AACS: variants seen among roughly 807,000 people sequenced by gnomAD.
AACS encodes the protein acetoacetyl-CoA synthetase.
Under a neutral mutation model 83.1 loss-of-function variants are expected in AACS, and 69 were observed. The observed-to-expected ratio is 0.83, with a 90% CI of 0.68 to 1.01. AACS has a LOEUF of 1.01. Among genes scored for constraint, AACS ranks in the 50% least tolerant of loss-of-function variants. AACS has a pLI of 0.00. For missense variants in AACS, 866 were observed against 882.2 expected (o/e 0.98, Z 0.23); for synonymous variants, 333 against 343.4 (o/e 0.97, Z 0.33).
At chr12:125,115,098 A>C (rs1246173116) in intron 9 of AACS, among the ~76,000 whole-genome samples, 1 of 151,978 alleles carries the variant, frequency 6.6e-6, no homozygotes, top group East Asian at 1.9e-4. Context: ...CCATAACTCA[A>C]CTCAAGGTGT....
At chr12:125,095,013 GTGTGTGTGTGTC>G (rs1350830185) in intron 5 of AACS, among the ~76,000 whole-genome samples, 1 of 148,314 alleles carries the variant, frequency 6.7e-6, no homozygotes, top group Non-Finnish European at 1.5e-5. Context: ...GTGTGTGTGT[GTGTGTGTGTGTC>G]TGTGTGTGTA....
At position 125,136,723 on chromosome 12, in the gene AACS, G is replaced by A. The variant is rs372559472; in HGVS notation, c.1740G>A (p.Glu580=). 7 of 1,614,088 alleles carry A rather than the reference G, an allele frequency of 4.3e-6. No homozygotes were observed. Among genetic ancestry groups the A allele is most frequent in the Non-Finnish European group, 5.1e-6 (6 of 1,180,052 alleles). The change falls in exon 17 of 18, where the codon GAG becomes GAA. Residue 580 remains glutamate, a synonymous_variant. Transcript: ENST00000316519. ...LCVPQYNKYR[E]ERVILFLKMA... ...TCCCCCAGTATAACAAGTACAGGGA[G>A]GAGAGGGTGATCCTCTTCCTGAAGA...
intron 12 of AACS, chr12:125,126,051 G>A (rs978844541): frequency 3.3e-5 from 5 of 151,792 alleles, no homozygotes; most frequent in African/African-American, 4.8e-5. Flanking sequence ...TCTACCTTCT[G>A]GGTTCAAGCA....
In AACS at chr12:125,124,941, C is replaced by T. The variant is rs774365753; in HGVS notation, c.1226C>T (p.Ser409Phe). The change falls in exon 12 of 18, where the codon TCC (serine) becomes TTC (phenylalanine). Residue 409 changes from serine to phenylalanine, a missense_variant. Ser to Phe is a radical substitution (Grantham distance 155). Coordinates refer to ENST00000316519, the MANE Select transcript of AACS (RefSeq NM_023928.5). ...CTCCAGATGCTCCACACGATCCTGT[C>T]CACTGGCTCCCCACTGAAAGCCCAG... is the stretch of plus-strand genomic sequence containing the variant. The part of the protein sequence containing the change: ...HSLQMLHTIL[S>F]TGSPLKAQSY... The T allele has an allele frequency of 1.2e-6, 2 of 1,614,106 alleles. No individual in the cohort carries two copies.
At position 125,132,444 on chromosome 12, in the gene AACS, G is replaced by A. The variant is rs368243736; in HGVS notation, c.1550-1559G>A. The stretch of plus-strand genomic sequence containing the variant: ...GGCACCGAAGTGCCAGAATGAGGCA[G>A]GATTCCCAGGTGAGCGGCACAGGCT... On this transcript the variant is annotated intron_variant, in intron 14 of 17. Coordinates refer to ENST00000316519, the MANE Select transcript of AACS (RefSeq NM_023928.5). Among the ~76,000 whole-genome samples the A allele has an allele frequency of 2.4e-3, 369 of 152,306 alleles. 6 individuals carry two copies. Among genetic ancestry groups the A allele is most frequent in the African/African-American group, 8.5e-3 (352 of 41,570 alleles).
chr12:125,076,301 C>T (rs1956018967), intron 2 of AACS, among the ~76,000 whole-genome samples, 190 bp from the exon 3 acceptor site: 1 of 152,204 alleles, frequency 6.6e-6, no homozygotes, highest in Non-Finnish European at 1.5e-5. Context: ...TCCCTACTTT[C>T]AGTTTCTAGC....
intron 5 of AACS, among the ~76,000 whole-genome samples, chr12:125,093,700 C>T (rs976288938): frequency 5.3e-5 from 8 of 152,172 alleles, no homozygotes; most frequent in African/African-American, 1.7e-4. Context: ...CCAGGCCCTG[C>T]GGCTACGTCT....
At chr12:125,132,854 C>T (rs1335382545) in intron 14 of AACS, among the ~76,000 whole-genome samples, 6 of 152,108 alleles carry the variant, frequency 3.9e-5, no homozygotes, top group Admixed American at 2.6e-4. Flanking sequence ...CACATAAATG[C>T]GTGAGTAGAC....
intron 6 of AACS, 71 bp from the exon 7 acceptor site, chr12:125,102,927 TTG>T (rs1956746461): frequency 1.3e-6 from 2 of 1,492,206 alleles, no homozygotes; most frequent in Admixed American, 3.9e-5. Context: ...GTGTTATATT[TTG>T]TGGAAAAAAA....
intron 17 of AACS, 22 bp downstream of exon 17, chr12:125,136,886 G>A: frequency 3.7e-6 from 6 of 1,609,156 alleles, no homozygotes; most frequent in South Asian, 2.2e-5. Flanking sequence ...TCCCGCCAGC[G>A]AGGAGACCGC....
intron 4 of AACS, among the ~76,000 whole-genome samples, chr12:125,087,719 G>T (rs1035909302): frequency 3.3e-5 from 5 of 152,222 alleles, no homozygotes; most frequent in African/African-American, 1.2e-4. Flanking sequence ...GAGGAGCTGG[G>T]CGGCCTTGTC....
intron 5 of AACS, among the ~76,000 whole-genome samples, chr12:125,096,028 G>A (rs1479832492): frequency 5.9e-5 from 9 of 152,292 alleles, no homozygotes; most frequent in African/African-American, 9.6e-5. Flanking sequence ...GCAGTGGCGC[G>A]ATCTCGGCTC....
At chr12:125,091,645 C>T (rs999660230) in intron 5 of AACS, 122 bp downstream of exon 5, 59 of 960,972 alleles carry the variant, frequency 6.1e-5, no homozygotes, top group African/African-American at 4.8e-5. Flanking sequence ...GAGGAGGTGG[C>T]GTTGCAGCTG....
At chr12:125,107,328 TC>T in intron 8 of AACS, 60 bp downstream of exon 8, 1 of 1,588,904 alleles carries the variant, frequency 6.3e-7, no homozygotes. Flanking sequence ...CAACAGGGCC[TC>T]CCAGCTGATG....
rs766078493 is a variant in AACS at position 125,114,565 on chromosome 12, C to T, written c.996+8C>T. ...CTCCTGTGCTACACCACGGTAAGGG[C>T]TTCCCCAGGTGCTGGCCTGTGCTAT... is the stretch of plus-strand genomic sequence containing the variant. On this transcript the variant is annotated splice_region_variant and intron_variant, in intron 9 of 17. Coordinates refer to ENST00000316519, the MANE Select transcript of AACS (RefSeq NM_023928.5). 31 of 1,610,284 alleles carry T rather than the reference C, an allele frequency of 1.9e-5. No individual in the cohort carries two copies. The African/African-American group carries it at 3.6e-4, about 19-fold the overall frequency.
intron 3 of AACS, among the ~76,000 whole-genome samples, chr12:125,076,979 C>T (rs961821867): frequency 6.6e-6 from 1 of 151,990 alleles, no homozygotes; most frequent in African/African-American, 2.4e-5. Context: ...TCATGGATGG[C>T]TCACTGCAGC....
At chr12:125,117,463 C>G (rs1957075166) in intron 9 of AACS, 1 of 152,126 alleles carries the variant, frequency 6.6e-6, no homozygotes, top group Non-Finnish European at 1.5e-5. Flanking sequence ...ACTGTGTTAC[C>G]CAGGCTGGTC....
rs1366334925 is a variant in AACS at position 125,102,772 on chromosome 12, A to C, written c.664A>C (p.Lys222Gln). The change falls in exon 6 of 18, where the codon AAG becomes CAG. Residue 222 changes from lysine (K) to glutamine (Q), a missense_variant. Lys to Gln is a moderately conservative substitution (Grantham distance 53, BLOSUM62 1). Coordinates refer to ENST00000316519, the MANE Select transcript of AACS (RefSeq NM_023928.5). ...TGGCAAAGAGCACAACCACATGGAAAAGCTGCAGCAGGTGGTTAAAGGTGT... is the reference window on the plus strand; with the variant it reads ...TGGCAAAGAGCACAACCACATGGAACAGCTGCAGCAGGTGGTTAAAGGTGT... Reference protein sequence around the residue: ...YNGKEHNHMEKLQQVVKGLPD... With the variant: ...YNGKEHNHMEQLQQVVKGLPD... 6.2e-7 allele frequency: 1 copy of C among 1,613,908 alleles called. No homozygotes were observed.
At chr12:125,116,920 T>C (rs574659558) in intron 9 of AACS, among the ~76,000 whole-genome samples, 1 of 142,194 alleles carries the variant, frequency 7.0e-6, no homozygotes, top group South Asian at 2.4e-4. Context: ...CCGTTTTCCC[T>C]TTGCCTTTTG....
Sources: gnomAD v4.1 joint callset for allele counts (sites outside exome capture counted in the v4.1 genomes callset) on GRCh38, gnomAD v4.1.1 for gene constraint, MANE v1.5 for transcripts, NCBI Gene and HGNC (gene_info 2026-07-23, HGNC 2026-07-21) for gene names.